The following VEGFA variants were observed in gnomAD, a reference collection of about 807,000 sequenced individuals.
VEGFA encodes the protein vascular endothelial growth factor A, long form.
A neutral mutation model predicts 49.7 loss-of-function variants in VEGFA; 20 were observed. That is an observed-to-expected ratio of 0.40 (90% CI 0.28 to 0.58). The LOEUF (loss-of-function observed/expected upper bound fraction) is 0.58, where lower values mean the gene tolerates loss of function less well. VEGFA is among the 20% of genes least tolerant of loss of function. The probability of loss-of-function intolerance (pLI) is 0.40; values close to 1 mark genes in which losing one functional copy is unlikely to be tolerated. For missense variants in VEGFA, 505 were observed against 553.5 expected (o/e 0.91, Z 0.88); for synonymous variants, 219 against 223.4 (o/e 0.98, Z 0.18).
intron 5 of VEGFA, chr6:43,780,322 C>A (rs1311172973): frequency 9.2e-6 from 3 of 325,600 alleles, no homozygotes; most frequent in African/African-American, 4.3e-5. Context: ...CCTTTTATCA[C>A]CCCCGGACCT....
At chr6:43,772,928 G>A (rs1241845395) in intron 1 of VEGFA, among the ~76,000 whole-genome samples, 1 of 152,280 alleles carries the variant, frequency 6.6e-6, no homozygotes, top group South Asian at 2.1e-4. Context: ...GCCTAGAACC[G>A]CCCCTCCTGT....
In VEGFA at chr6:43,774,328, T is replaced by C; in HGVS notation, c.607-13T>C. The C allele has an allele frequency of 6.2e-7, 1 of 1,614,108 alleles. No homozygotes were observed. Among genetic ancestry groups the C allele is most frequent in the Non-Finnish European group, 8.5e-7 (1 of 1,180,030 alleles). On this transcript the variant is annotated splice_polypyrimidine_tract_variant and intron_variant, in intron 1 of 7. Coordinates refer to ENST00000672860, the MANE Select transcript of VEGFA (RefSeq NM_003376.6). ...CTGCCCATGCCCATGCCTTGCTCTC[T>C]TTCTGTCCTCAGTGGTCCCAGGCTG...
At chr6:43,779,021 C>T in intron 5 of VEGFA, 103 bp downstream of exon 5, 2 of 1,492,082 alleles carry the variant, frequency 1.3e-6, no homozygotes, top group Non-Finnish European at 1.9e-6. Flanking sequence ...CTCCCTGGGT[C>T]AGGGACTTGG....
At position 43,784,457 on chromosome 6, in the gene VEGFA, C is replaced by T. The variant is rs1769056805; in HGVS notation, c.1167-84C>T. 3 of 1,424,794 alleles carry T rather than the reference C, an allele frequency of 2.1e-6. No homozygotes were observed. The East Asian group carries it at 6.8e-5, about 32-fold the overall frequency. The allele number at this position is 1,424,794 out of a possible 1,614,324, so 88.3% of individuals were successfully genotyped here. On this transcript the variant is annotated intron_variant, in intron 7 of 7. Coordinates refer to ENST00000672860, the MANE Select transcript of VEGFA (RefSeq NM_003376.6). Reference sequence around the variant, plus strand: ...CGGAGGCTGCAGTGACCCAGGGGCCCCCAGGAATGGGGAGGCCGCCTGCCT... The same window carrying T: ...CGGAGGCTGCAGTGACCCAGGGGCCTCCAGGAATGGGGAGGCCGCCTGCCT...
In VEGFA at chr6:43,771,128, G is replaced by C. The variant is rs746680821; in HGVS notation, c.422G>C (p.Arg141Pro). 1 of 1,493,070 alleles carries C rather than the reference G, an allele frequency of 6.7e-7. No individual in the cohort carries two copies. Among genetic ancestry groups the C allele is most frequent in the Non-Finnish European group, 8.9e-7 (1 of 1,126,326 alleles). The allele number at this position is 1,493,070 out of a possible 1,614,324, so 92.5% of individuals were successfully genotyped here. The change falls in exon 1 of 8, where the codon CGG becomes CCG. Residue 141 changes from arginine (R) to proline (P), a missense_variant. Arg to Pro is a moderately radical substitution (Grantham distance 103). This residue lies in a region of VEGFA where 340 missense variants were observed against 321.8 expected (regional missense o/e 1.06). Transcript: ENST00000672860. Reference sequence around the variant, plus strand: ...GCGCGCGCTCCCCAGGCCCTGGCCCGGGCCTCGGGCCGGGGAGGAAGAGTA... The same window carrying C: ...GCGCGCGCTCCCCAGGCCCTGGCCCCGGCCTCGGGCCGGGGAGGAAGAGTA...
In VEGFA at chr6:43,777,215, A is replaced by T; in HGVS notation, c.659-254A>T. 1 of 562,116 alleles carries T rather than the reference A, an allele frequency of 1.8e-6. No individual in the cohort carries two copies. Among genetic ancestry groups the T allele is most frequent in the Non-Finnish European group, 3.3e-6 (1 of 305,198 alleles). The allele number at this position is 562,116 out of a possible 1,614,324, so 34.8% of individuals were successfully genotyped here. A position where few individuals can be genotyped will look rare whatever the true frequency, so the allele number is the denominator to read the frequency against. ...TGTCACAGTGAGGTGGCGGGATCAGATGTGGCAGGCCATGTCCCTTGGAAC... is the reference window on the plus strand; with the variant it reads ...TGTCACAGTGAGGTGGCGGGATCAGTTGTGGCAGGCCATGTCCCTTGGAAC... On this transcript the variant is annotated intron_variant, in intron 2 of 7. Coordinates refer to ENST00000672860, the MANE Select transcript of VEGFA (RefSeq NM_003376.6). The surrounding 1 kb of genome is among the most constrained non-coding windows in gnomAD (Gnocchi z 4.3).
In VEGFA at chr6:43,785,484, A is replaced by G. The variant is rs1024374658; in HGVS notation, c.*922A>G. 1 of 219,572 alleles carries G rather than the reference A, an allele frequency of 4.6e-6. No homozygotes were observed. The allele number at this position is 219,572 out of a possible 1,614,324, so 13.6% of individuals were successfully genotyped here. A position where few individuals can be genotyped will look rare whatever the true frequency, so the allele number is the denominator to read the frequency against. ...CTGAGTTGCCCAGGAGACCACTGGC[A>G]GATGTCCCGGCGAAGAGAAGAGACA... is the stretch of plus-strand genomic sequence containing the variant. On this transcript the variant is annotated 3_prime_UTR_variant, in exon 8 of 8. Transcript: ENST00000672860.
chr6:43,772,690 G>A (rs1317725456), intron 1 of VEGFA, among the ~76,000 whole-genome samples: 1 of 152,132 alleles, frequency 6.6e-6, no homozygotes, highest in East Asian at 1.9e-4. Context: ...GGACTCTAAA[G>A]GGTCCCTTTC....
rs2127995787 is a variant in VEGFA, at chr6:43,770,830, G to C, written c.124G>C (p.Val42Leu). The C allele has an allele frequency of 6.6e-7, 1 of 1,526,326 alleles. No homozygotes were observed. The highest frequency in any genetic ancestry group is 8.8e-7 in the Non-Finnish European group (1 of 1,138,414). The allele number at this position is 1,526,326 out of a possible 1,614,324, so 94.5% of individuals were successfully genotyped here. ...GCCGGAGCCCGCGCCCGGAGGCGGGGTGGAGGGGGTCGGGGCTCGCGGCGT... is the reference window on the plus strand; with the variant it reads ...GCCGGAGCCCGCGCCCGGAGGCGGGCTGGAGGGGGTCGGGGCTCGCGGCGT... Residue 42 changes from valine to leucine, a missense_variant, in exon 1 of 8, where the codon GTG (valine) becomes CTG (leucine). Val to Leu is a conservative substitution (Grantham distance 32). Transcript: ENST00000672860.
Position 43,777,647 on chromosome 6 carries a change from G to A in VEGFA, c.837G>A (p.Glu279=). ...GCCTGGAGTGTGTGCCCACTGAGGA[G>A]TCCAACATCACCATGCAGGTGGGCA... Residue 279 remains glutamate (E), a synonymous_variant, in exon 3 of 8, where the codon GAG becomes GAA. Transcript: ENST00000672860. This position sits in a 1 kb window ranked among gnomAD's most constrained non-coding sequence, Gnocchi z 4.3. The A allele has an allele frequency of 6.7e-7, 1 of 1,496,896 alleles. No homozygotes were observed. Among genetic ancestry groups the A allele is most frequent in the Non-Finnish European group, 9.0e-7 (1 of 1,106,546 alleles). 92.7% of individuals were successfully genotyped at this position (1,496,896 alleles called of 1,614,324 possible).
chr6:43,780,545 G>A (rs1767165334), intron 5 of VEGFA, 187 bp from the exon 6 acceptor site: 1 of 741,962 alleles, frequency 1.3e-6, no homozygotes, highest in Non-Finnish European at 2.2e-6. Context: ...AGTGCTTGCT[G>A]CCCAGACACG....
chr6:43,781,602 C>T, intron 6 of VEGFA: 1 of 352,080 alleles, frequency 2.8e-6, no homozygotes, highest in Non-Finnish European at 5.6e-6. Flanking sequence ...CCATCCCCAG[C>T]AGGTGAAGAG....
At position 43,777,394 on chromosome 6, in the gene VEGFA, A is replaced by G. The variant is rs1765779864; in HGVS notation, c.659-75A>G. On this transcript the variant is annotated intron_variant, in intron 2 of 7. Transcript: ENST00000672860. This position sits in a 1 kb window ranked among gnomAD's most constrained non-coding sequence, Gnocchi z 4.3. Reference sequence around the variant, plus strand: ...CGGAAGCTCCAAAGAGTGGCATTACAGAGCTGGGTGGAGAGAGGGGCTAGC... The same window carrying G: ...CGGAAGCTCCAAAGAGTGGCATTACGGAGCTGGGTGGAGAGAGGGGCTAGC... The G allele has an allele frequency of 3.9e-6, 6 of 1,547,480 alleles. No homozygotes were observed. The African/African-American group carries it at 4.1e-5, about 11-fold the overall frequency.
intron 1 of VEGFA, 90 bp from the exon 2 acceptor site, chr6:43,774,251 G>A: frequency 7.3e-7 from 1 of 1,373,312 alleles, no homozygotes; most frequent in Non-Finnish European, 1.0e-6. Flanking sequence ...TTGGTGGGAG[G>A]GAAGTGAGGA....
At chr6:43,782,613 C>G (rs1182481676) in intron 7 of VEGFA, 1 of 222,752 alleles carries the variant, frequency 4.5e-6, no homozygotes, top group Non-Finnish European at 9.1e-6. Flanking sequence ...CAGACTGGGC[C>G]TCCCTGAGGA....
rs145139616 is a variant in VEGFA, at chr6:43,778,127, A to G, written c.856-333A>G. The G allele has an allele frequency of 1.6e-3, 808 of 491,378 alleles. 6 individuals carry two copies. The highest frequency in any genetic ancestry group is 0.014 in the African/African-American group (726 of 51,614). The allele number at this position is 491,378 out of a possible 1,614,324, so 30.4% of individuals were successfully genotyped here. ...GGGAGGGGGTTGCTTTCGGGTATCT[A>G]CTAGGAGTCAGGGTGAAGCCTAGAG... On this transcript the variant is annotated intron_variant, in intron 3 of 7. Coordinates refer to ENST00000672860, the MANE Select transcript of VEGFA (RefSeq NM_003376.6).
intron 5 of VEGFA, 72 bp from the exon 6 acceptor site, chr6:43,780,660 C>T (rs2128043909): frequency 6.5e-7 from 1 of 1,544,774 alleles, no homozygotes; most frequent in Admixed American, 1.7e-5. Context: ...CCCATCCCTG[C>T]CCACCTTACC....
chr6:43,786,158 T>C lies in VEGFA; in HGVS notation c.*1596T>C, dbSNP rs3025054. 3.2e-3 allele frequency: 577 copies of C among 178,234 alleles called. 28 individuals carry two copies. In the East Asian group the frequency reaches 0.052, roughly 16 times the overall value. The allele number at this position is 178,234 out of a possible 1,614,324, so 11.0% of individuals were successfully genotyped here. ...GTATTTGTGTGTATATATATATATA[T>C]ATGTTTATGTATATATGTGATTCTG... On this transcript the variant is annotated 3_prime_UTR_variant, in exon 8 of 8. Transcript: ENST00000672860.
rs1765746496 is a variant in VEGFA, at chr6:43,777,288, G to A, written c.659-181G>A. ...GGAATGAAAACAGGCCTTCACCAGT[G>A]TTGATGGTGGAAAGCTTAGGGAAGT... On this transcript the variant is annotated intron_variant, in intron 2 of 7. Transcript: ENST00000672860. The surrounding 1 kb of genome is among the most constrained non-coding windows in gnomAD (Gnocchi z 4.3). 5 of 703,626 alleles carry A rather than the reference G, an allele frequency of 7.1e-6. No homozygotes were observed. Among genetic ancestry groups the A allele is most frequent in the South Asian group, 1.5e-5 (1 of 64,686 alleles). 43.6% of individuals were successfully genotyped at this position (703,626 alleles called of 1,614,324 possible).
Sources: gnomAD v4.1 joint callset for allele counts (sites outside exome capture counted in the v4.1 genomes callset) on GRCh38, gnomAD v4.1.1 for gene constraint, gnomAD v4.1.1 regional missense constraint, Gnocchi (gnomAD v3.1) non-coding constraint, MANE v1.5 for transcripts, NCBI Gene and HGNC (gene_info 2026-07-23, HGNC 2026-07-21) for gene names.